RAD52: variants seen among roughly 807,000 people sequenced by gnomAD.
RAD52 encodes the protein DNA repair protein RAD52 homolog.
Under a neutral mutation model 55.5 loss-of-function variants are expected in RAD52, and 47 were observed. That is an observed-to-expected ratio of 0.85 (90% CI 0.67 to 1.08). The LOEUF is 1.08. RAD52 is among the 50% of genes least tolerant of loss of function. The pLI is 0.00. For synonymous variants in RAD52, 184 were observed against 198.9 expected (o/e 0.92, Z 0.63); for missense variants, 468 against 522.8 (o/e 0.90, Z 1.02).
rs183674572 is a variant in RAD52, at chr12:986,185, C to T, written c.-19+3624G>A. On this transcript the variant is annotated intron_variant, in intron 1 of 11. Transcript: ENST00000430095. ...CCGACCTCAGGTGATCCACCTGCCT[C>T]GGCCTCCCAAAGTGCTGGGATTACA... Among the ~76,000 whole-genome samples, 348 of 149,956 alleles carry T rather than the reference C, an allele frequency of 2.3e-3. 4 individuals are homozygous for T. Among genetic ancestry groups the T allele is most frequent in the Admixed American group, 0.019 (291 of 15,064 alleles).
At chr12:986,945 G>A (rs1249909562) in intron 1 of RAD52, among the ~76,000 whole-genome samples, 1 of 151,798 alleles carries the variant, frequency 6.6e-6, no homozygotes, top group Non-Finnish European at 1.5e-5. Context: ...TTTTGCTTGA[G>A]CACACATTTA....
intron 1 of RAD52, chr12:974,888 C>A (rs148450730): frequency 6.6e-6 from 1 of 152,148 alleles, no homozygotes; most frequent in African/African-American, 2.4e-5. Flanking sequence ...GCAGTCCTGA[C>A]CCTAACTACT....
chr12:929,999 T>G (rs780193594), intron 4 of RAD52, 52 bp downstream of exon 4: 5 of 1,587,858 alleles, frequency 3.1e-6, no homozygotes, highest in Non-Finnish European at 3.5e-6. Flanking sequence ...CAGCAGACTT[T>G]CAGCAGGAGC....
rs572064961 is a variant in RAD52, at chr12:947,241, G to A, written c.-19+2361C>T. Among the ~76,000 whole-genome samples, 999 of 152,126 alleles carry A rather than the reference G, an allele frequency of 6.6e-3. 4 individuals are homozygous for A. The highest frequency in any genetic ancestry group is 0.011 in the Non-Finnish European group (715 of 67,986). ...CTCGGGAGGCTGAGGCAGGAGAATC[G>A]CTTGAATCCAGGAGGCAGAAGTGGC... On this transcript the variant is annotated intron_variant, in intron 1 of 11. Transcript: ENST00000358495.
intron 9 of RAD52, among the ~76,000 whole-genome samples, chr12:915,559 GAAGA>G (rs948861303): frequency 2.0e-5 from 3 of 152,212 alleles, no homozygotes; most frequent in African/African-American, 4.8e-5. Flanking sequence ...GGGAGACAGA[GAAGA>G]AAGAAAGAAG....
At position 940,468 on chromosome 12, in the gene RAD52, G is replaced by A. The variant is rs1004499447; in HGVS notation, c.-18-7392C>T. Among the ~76,000 whole-genome samples the A allele has an allele frequency of 6.6e-5, 10 of 151,950 alleles. 1 individual carries two copies. The highest frequency in any genetic ancestry group is 1.2e-4 in the Non-Finnish European group (8 of 67,994). On this transcript the variant is annotated intron_variant, in intron 1 of 11. Transcript: ENST00000358495. ...AAAAATTAGTTGGGTGTGGTGGCGC[G>A]TGCCTGTAGTCCCAGCTACTCAGGA... is the stretch of plus-strand genomic sequence containing the variant.
chr12:916,310 G>C, intron 9 of RAD52, 34 bp downstream of exon 9: 1 of 1,596,394 alleles, frequency 6.3e-7, no homozygotes, highest in Non-Finnish European at 8.5e-7. Flanking sequence ...TCCTGCAGAC[G>C]CCTCCCAGGG....
At chr12:924,405 G>C (rs1050183147) in intron 7 of RAD52, among the ~76,000 whole-genome samples, 1 of 151,930 alleles carries the variant, frequency 6.6e-6, no homozygotes, top group Non-Finnish European at 1.5e-5. Flanking sequence ...GCGAGACTCC[G>C]TCTCAAAAAA....
At chr12:990,473 A>C (rs1174099091), upstream of RAD52, 1 of 152,176 alleles carries the variant, frequency 6.6e-6, no homozygotes, top group Non-Finnish European at 1.5e-5. Context: ...GAGGCTAAAT[A>C]AACAGCTCCC....
intron 1 of RAD52, among the ~76,000 whole-genome samples, chr12:942,747 C>CA (rs755913438): frequency 0.026 from 2,712 of 103,352 alleles, 47 homozygotes; most frequent in African/African-American, 0.068. Flanking sequence ...GACTCTGTCT[C>CA]AAAAAAAAAA....
rs547977843 is a variant in RAD52, at chr12:911,931, G to A, written c.*1460C>T. ...CCAGCTACTCGGGAGCCTGAGGCAG[G>A]AGAATTGCTTGAATCCTGGCAGGCG... On this transcript the variant is annotated 3_prime_UTR_variant, in exon 12 of 12. Coordinates refer to ENST00000358495, the MANE Select transcript of RAD52 (RefSeq NM_134424.4). The A allele has an allele frequency of 5.9e-5, 11 of 186,128 alleles. No homozygotes were observed. The highest frequency in any genetic ancestry group is 1.1e-4 in the Non-Finnish European group (10 of 88,240). The allele number at this position is 186,128 out of a possible 1,614,324, so 11.5% of individuals were successfully genotyped here.
chr12:933,227 G>C (rs1369116147), intron 1 of RAD52, among the ~76,000 whole-genome samples, 151 bp from the exon 2 acceptor site: 1 of 152,132 alleles, frequency 6.6e-6, no homozygotes, highest in Non-Finnish European at 1.5e-5. Flanking sequence ...GGGAGGCCGA[G>C]GTGGGTGGAT....
intron 1 of RAD52, among the ~76,000 whole-genome samples, chr12:979,619 T>C (rs1485291162): frequency 6.6e-6 from 1 of 152,102 alleles, no homozygotes; most frequent in African/African-American, 2.4e-5. Flanking sequence ...AGTGAGAAGA[T>C]GGCTGTCTGC....
intron 7 of RAD52, among the ~76,000 whole-genome samples, chr12:922,144 T>G (rs78936370): frequency 1.8e-5 from 2 of 108,264 alleles, no homozygotes; most frequent in African/African-American, 3.6e-5. Flanking sequence ...TCATCAGGGG[T>G]ATGCAAATCA....
intron 1 of RAD52, chr12:976,879 A>G (rs1958940928): frequency 6.6e-6 from 1 of 152,220 alleles, no homozygotes; most frequent in African/African-American, 2.4e-5. Context: ...TTCATATCTA[A>G]CTGCATTATC....
chr12:919,201 T>G (rs12814474), intron 7 of RAD52, among the ~76,000 whole-genome samples: 16,428 of 152,044 alleles, frequency 0.11, 978 homozygotes, highest in South Asian at 0.17. Context: ...ATCCCAACAC[T>G]TTGGGAGGCT....
intron 9 of RAD52, among the ~76,000 whole-genome samples, chr12:914,744 A>G (rs1047974930): frequency 6.6e-6 from 1 of 152,222 alleles, no homozygotes; most frequent in Non-Finnish European, 1.5e-5. Flanking sequence ...TCTTCTCACC[A>G]GTGGGAAAAA....
intron 1 of RAD52, among the ~76,000 whole-genome samples, chr12:970,895 A>G (rs537217793): frequency 7.4e-6 from 1 of 135,994 alleles, no homozygotes; most frequent in Non-Finnish European, 1.5e-5. Flanking sequence ...AAATACATAT[A>G]TTTTGAACCA....
At chr12:980,089 T>A (rs1447539784) in intron 1 of RAD52, among the ~76,000 whole-genome samples, 1 of 151,832 alleles carries the variant, frequency 6.6e-6, no homozygotes, top group Non-Finnish European at 1.5e-5. Context: ...CTCGGGAGGC[T>A]AAGGCCAGGA....
Sources: gnomAD v4.1 joint callset for allele counts (sites outside exome capture counted in the v4.1 genomes callset) on GRCh38, gnomAD v4.1.1 for gene constraint, MANE v1.5 for transcripts, NCBI Gene and HGNC (gene_info 2026-07-23, HGNC 2026-07-21) for gene names.